ANKS1B: variants seen among roughly 807,000 people sequenced by gnomAD.
ANKS1B encodes the protein ankyrin repeat and sterile alpha motif domain-containing protein 1B.
A neutral mutation model predicts 148.3 loss-of-function variants in ANKS1B; 36 were observed. The ratio of observed to expected loss-of-function variants is 0.24; its 90% CI spans 0.19 to 0.32. ANKS1B has a LOEUF of 0.32. Ranked by LOEUF, ANKS1B falls within the 10% of genes least tolerant of loss-of-function variation. The pLI is 1.00. For synonymous variants in ANKS1B, 542 were observed against 560.8 expected, an observed-to-expected ratio of 0.97 and a Z score of 0.47; for missense variants, 1,157 against 1,542.6, an observed-to-expected ratio of 0.75 and a Z score of 4.19.
chr12:99,626,938 T>G (rs2098117036), intron 9 of ANKS1B, among the ~76,000 whole-genome samples: 1 of 152,158 alleles, frequency 6.6e-6, no homozygotes, highest in African/African-American at 2.4e-5. Flanking sequence ...TCCCTTCTAT[T>G]ATAAAATATG....
intron 12 of ANKS1B, among the ~76,000 whole-genome samples, chr12:99,277,176 T>C (rs975894537): frequency 1.3e-5 from 2 of 152,224 alleles, no homozygotes; most frequent in African/African-American, 4.8e-5. Context: ...AGGTGCCATC[T>C]GATAAGCACT....
intron 15 of ANKS1B, among the ~76,000 whole-genome samples, chr12:99,140,749 C>T (rs1241587951): frequency 1.3e-5 from 2 of 152,120 alleles, no homozygotes; most frequent in East Asian, 3.9e-4. Context: ...TCCTGTGGAG[C>T]ATGATTGTCT....
At chr12:98,942,543 C>A (rs1169690011) in intron 17 of ANKS1B, among the ~76,000 whole-genome samples, 4 of 152,202 alleles carry the variant, frequency 2.6e-5, no homozygotes, top group Non-Finnish European at 4.4e-5. Context: ...TTCCCCTCAG[C>A]AGAATGTCCT....
chr12:99,749,768 T>C (rs1171896889), intron 8 of ANKS1B, among the ~76,000 whole-genome samples: 3 of 152,056 alleles, frequency 2.0e-5, no homozygotes, highest in Non-Finnish European at 4.4e-5. Context: ...CAGGGCTATA[T>C]TGGTGACCAT....
chr12:99,226,592 G>A (rs2085974646), intron 14 of ANKS1B, among the ~76,000 whole-genome samples: 1 of 152,056 alleles, frequency 6.6e-6, no homozygotes, highest in Non-Finnish European at 1.5e-5. Flanking sequence ...CATGTCACAC[G>A]GACAAACGTA....
intron 9 of ANKS1B, among the ~76,000 whole-genome samples, chr12:99,588,739 AATGGT>A (rs59340148): frequency 0.052 from 7,884 of 152,144 alleles, 439 homozygotes; most frequent in African/African-American, 0.14. Context: ...ACACTAATTA[AATGGT>A]TAGCTGGAGA....
At chr12:99,469,944 C>A (rs1403511744) in intron 10 of ANKS1B, among the ~76,000 whole-genome samples, 1 of 151,670 alleles carries the variant, frequency 6.6e-6, no homozygotes, top group Admixed American at 6.6e-5. Flanking sequence ...ACATAGGAGA[C>A]CCCCGTATCT....
At chr12:99,466,442 G>A (rs2096115859) in intron 10 of ANKS1B, among the ~76,000 whole-genome samples, 1 of 151,160 alleles carries the variant, frequency 6.6e-6, no homozygotes, top group African/African-American at 2.4e-5. Context: ...TAAAATCAGA[G>A]CAGAACTGAA....
intron 17 of ANKS1B, among the ~76,000 whole-genome samples, chr12:98,878,066 A>T (rs971710896): frequency 1.3e-5 from 2 of 152,152 alleles, no homozygotes; most frequent in African/African-American, 4.8e-5. Context: ...GGTTTAATTA[A>T]AATGGAATAT....
At chr12:99,316,612 T>C (rs2084155380) in intron 12 of ANKS1B, among the ~76,000 whole-genome samples, 1 of 152,196 alleles carries the variant, frequency 6.6e-6, no homozygotes, top group Non-Finnish European at 1.5e-5. Flanking sequence ...TCTCCCTTTT[T>C]GTAGGTTTCC....
At chr12:99,871,911 T>C (rs1435936953) in intron 1 of ANKS1B, among the ~76,000 whole-genome samples, 1 of 152,162 alleles carries the variant, frequency 6.6e-6, no homozygotes, top group Non-Finnish European at 1.5e-5. Flanking sequence ...TTTCTTTCTC[T>C]TGTCTGACTG....
chr12:98,990,785 C>A (rs942424192), intron 17 of ANKS1B, among the ~76,000 whole-genome samples: 2 of 152,146 alleles, frequency 1.3e-5, no homozygotes, highest in African/African-American at 4.8e-5. Flanking sequence ...TGATATCTTG[C>A]CTTTCTGTTA....
chr12:99,811,793 T>C (rs1445358403), intron 3 of ANKS1B, among the ~76,000 whole-genome samples: 1 of 151,954 alleles, frequency 6.6e-6, no homozygotes, highest in Non-Finnish European at 1.5e-5. Context: ...AGGCATATCA[T>C]TGTTTTAGCA....
chr12:99,728,954 C>G (rs2058873980), intron 8 of ANKS1B, among the ~76,000 whole-genome samples: 2 of 152,026 alleles, frequency 1.3e-5, no homozygotes, highest in African/African-American at 4.8e-5. Flanking sequence ...ATTTAGCGGA[C>G]AACAGCATAG....
intron 12 of ANKS1B, among the ~76,000 whole-genome samples, chr12:99,365,882 C>T (rs1345447994): frequency 6.6e-6 from 1 of 151,864 alleles, no homozygotes; most frequent in African/African-American, 2.4e-5. Flanking sequence ...TAGGGTCGTA[C>T]TGAAACAAAA....
chr12:99,222,702 A>G (rs531475332), intron 14 of ANKS1B, among the ~76,000 whole-genome samples: 1 of 152,342 alleles, frequency 6.6e-6, no homozygotes, highest in Admixed American at 6.5e-5. Flanking sequence ...CAAATCTGGA[A>G]TATGGCTCAT....
intron 9 of ANKS1B, among the ~76,000 whole-genome samples, chr12:99,542,616 T>G (rs556961159): frequency 6.6e-6 from 1 of 152,172 alleles, no homozygotes; most frequent in African/African-American, 2.4e-5. Context: ...GCCAAAAAAT[T>G]TTGAAAACTT....
At chr12:99,193,793 CTTTTT>C (rs34024548) in intron 14 of ANKS1B, among the ~76,000 whole-genome samples, 3 of 66,840 alleles carry the variant, frequency 4.5e-5, no homozygotes, top group African/African-American at 6.2e-5. Flanking sequence ...ATTTCTAGTT[CTTTTT>C]TTTTTTTTTT....
At chr12:99,443,199 G>A (rs965821204) in intron 11 of ANKS1B, among the ~76,000 whole-genome samples, 2 of 151,864 alleles carry the variant, frequency 1.3e-5, no homozygotes, top group Non-Finnish European at 2.9e-5. Context: ...AGGAAAACAA[G>A]GAGCAATATT....
Sources: gnomAD v4.1 joint callset for allele counts (sites outside exome capture counted in the v4.1 genomes callset) on GRCh38, gnomAD v4.1.1 for gene constraint, MANE v1.5 for transcripts, NCBI Gene and HGNC (gene_info 2026-07-23, HGNC 2026-07-21) for gene names.